Variants in KANSL2 observed in about 807,000 individuals in gnomAD.
The protein encoded by KANSL2 is NSL complex protein NSL2.
Under a neutral mutation model 55.6 loss-of-function variants are expected in KANSL2, and 34 were observed. The ratio of observed to expected loss-of-function variants is 0.61; its 90% CI spans 0.46 to 0.81. KANSL2 has a LOEUF of 0.81. Ranked by LOEUF, KANSL2 falls within the 40% of genes least tolerant of loss-of-function variation. KANSL2 has a pLI of 0.00. For synonymous variants in KANSL2, 209 were observed against 214.3 expected (o/e 0.98, Z 0.22); for missense variants, 502 against 609.9 (o/e 0.82, Z 1.86).
At chr12:48,660,135 T>A (rs1171133165) in intron 8 of KANSL2, among the ~76,000 whole-genome samples, 1 of 152,176 alleles carries the variant, frequency 6.6e-6, no homozygotes, top group African/African-American at 2.4e-5. Context: ...GAGTGCAATT[T>A]ATAGTATGTA....
In KANSL2 at chr12:48,679,660, A is replaced by G. The variant is rs573855606; in HGVS notation, c.425T>C (p.Ile142Thr). The change falls in exon 3 of 10, where the codon ATA (isoleucine) becomes ACA (threonine). Residue 142 changes from isoleucine to threonine, a missense_variant. Ile to Thr is a moderately conservative substitution (Grantham distance 89). Transcript: ENST00000420613. Reference sequence around the variant, plus strand: ...CCAGGAGAGAAGGTCCTTACCTAGTATTCGGCTGGCTTCACTGCGACTACT... The same window carrying G: ...CCAGGAGAGAAGGTCCTTACCTAGTGTTCGGCTGGCTTCACTGCGACTACT... ...PESSRSEASRILDEDSWSDGE... is the reference protein window; with the variant it reads ...PESSRSEASRTLDEDSWSDGE... 2 of 1,613,450 alleles carry G rather than the reference A, an allele frequency of 1.2e-6. No individual in the cohort carries two copies. Among genetic ancestry groups the G allele is most frequent in the Admixed American group, 3.3e-5 (2 of 59,892 alleles).
At position 48,681,404 on chromosome 12, in the gene KANSL2, G is replaced by C. The variant is rs754237983; in HGVS notation, c.229C>G (p.Pro77Ala). 7.4e-6 allele frequency: 12 copies of C among 1,613,386 alleles called. No individual in the cohort carries two copies. Among genetic ancestry groups the C allele is most frequent in the East Asian group, 2.2e-5 (1 of 44,882 alleles). Residue 77 changes from proline (P) to alanine (A), a missense_variant, in exon 2 of 10, where the codon CCA becomes GCA. Physicochemically the swap from Pro to Ala is conservative, Grantham distance 27 (BLOSUM62 -1). Transcript: ENST00000420613. ...TACCCATCTTTCTTCTCTGGCTTTG[G>C]GGCAGCATTGGGACATCTTTTTCCA... ...KNGKRCPNAA[P>A]KPEKKDGVSF...
chr12:48,663,391 AATTTT>A (rs1939524249), intron 7 of KANSL2, among the ~76,000 whole-genome samples: 2 of 152,186 alleles, frequency 1.3e-5, no homozygotes. Context: ...GTATATTTTA[AATTTT>A]ATTTTAAAAC....
chr12:48,671,054 A>T (rs182873309), intron 5 of KANSL2, among the ~76,000 whole-genome samples: 8 of 152,318 alleles, frequency 5.3e-5, no homozygotes, highest in African/African-American at 1.4e-4. Context: ...ACTTGAAGTC[A>T]GGAGTTCCGA....
At chr12:48,662,264 C>T (rs1939501501) in intron 7 of KANSL2, among the ~76,000 whole-genome samples, 2 of 152,184 alleles carry the variant, frequency 1.3e-5, no homozygotes, top group Admixed American at 1.3e-4. Flanking sequence ...GCCATCACAC[C>T]CGGCTGATTT....
At chr12:48,668,097 C>T (rs1939636790) in intron 6 of KANSL2, among the ~76,000 whole-genome samples, 1 of 152,102 alleles carries the variant, frequency 6.6e-6, no homozygotes, top group Non-Finnish European at 1.5e-5. Context: ...ACAAATGAAA[C>T]AAAATTACTC....
At chr12:48,657,185 A>G (rs932027846) in intron 8 of KANSL2, among the ~76,000 whole-genome samples, 15 of 152,198 alleles carry the variant, frequency 9.9e-5, no homozygotes, top group African/African-American at 3.4e-4. Flanking sequence ...GATTGAGACC[A>G]TCCTGGCTAA....
chr12:48,669,036 T>G, intron 6 of KANSL2, 70 bp downstream of exon 6: 1 of 1,247,196 alleles, frequency 8.0e-7, no homozygotes, highest in Non-Finnish European at 1.1e-6. Flanking sequence ...AGTGCGAGAC[T>G]CCGTCTCGAA....
intron 7 of KANSL2, among the ~76,000 whole-genome samples, chr12:48,666,973 G>A (rs141021681): frequency 6.6e-6 from 1 of 151,950 alleles, no homozygotes; most frequent in Admixed American, 6.6e-5. Context: ...CTGAGGTCAG[G>A]AGCTCGAGAC....
intron 2 of KANSL2, among the ~76,000 whole-genome samples, chr12:48,680,982 C>CCAA (rs1565610832): frequency 1.3e-5 from 2 of 149,378 alleles, no homozygotes; most frequent in African/African-American, 5.0e-5. Flanking sequence ...GCCCCCCCGC[C>CCAA]AAAAAATTAA....
intron 4 of KANSL2, among the ~76,000 whole-genome samples, chr12:48,672,844 C>T (rs1488342239): frequency 1.3e-5 from 2 of 152,042 alleles, no homozygotes; most frequent in Non-Finnish European, 2.9e-5. Context: ...CTGCAACCTC[C>T]GCTTCCCAGG....
intron 9 of KANSL2, chr12:48,654,376 G>A (rs1439803414): frequency 1.8e-5 from 14 of 783,008 alleles, no homozygotes; most frequent in Non-Finnish European, 2.6e-5. Context: ...GGGATGGTGA[G>A]CTGTAGGTTG....
At chr12:48,661,477 A>G (rs1206506916) in intron 7 of KANSL2, among the ~76,000 whole-genome samples, 1 of 152,190 alleles carries the variant, frequency 6.6e-6, no homozygotes, top group Non-Finnish European at 1.5e-5. Flanking sequence ...ATTTCTTGAA[A>G]TCTGTTAACT....
intron 3 of KANSL2, 70 bp from the exon 4 acceptor site, chr12:48,679,220 T>C: frequency 9.9e-7 from 1 of 1,014,274 alleles, no homozygotes. Context: ...AAAACTAGAT[T>C]ACTTTTATCA....
Position 48,655,057 on chromosome 12 carries a change from A to G in KANSL2, c.1231T>C (p.Leu411=). The change falls in exon 9 of 10, where the codon TTG becomes CTG. Residue 411 remains leucine, a synonymous_variant. Coordinates refer to ENST00000420613, the MANE Select transcript of KANSL2 (RefSeq NM_017822.4). ...ESLPLEFSDD[L]DVVGDGMQCP... Reference sequence around the variant, plus strand: ...TGCATACCATCACCCACAACATCCAAGTCCTAGAAAAAAGAGAAAAGCCCA... The same window carrying G: ...TGCATACCATCACCCACAACATCCAGGTCCTAGAAAAAAGAGAAAAGCCCA... 1 of 1,571,458 alleles carries G rather than the reference A, an allele frequency of 6.4e-7. No homozygotes were observed.
intron 4 of KANSL2, among the ~76,000 whole-genome samples, chr12:48,676,653 C>A (rs949761652): frequency 1.3e-5 from 2 of 151,330 alleles, no homozygotes; most frequent in African/African-American, 2.4e-5. Flanking sequence ...AGTGAAACTT[C>A]GTGTCAAAAA....
At chr12:48,665,357 G>A (rs990707194) in intron 7 of KANSL2, among the ~76,000 whole-genome samples, 3 of 152,064 alleles carry the variant, frequency 2.0e-5, no homozygotes, top group Non-Finnish European at 2.9e-5. Flanking sequence ...AAGGTCAGGA[G>A]ATCGAGACCA....
In KANSL2 at chr12:48,681,404, G is replaced by A. The variant is rs754237983; in HGVS notation, c.229C>T (p.Pro77Ser). ...KNGKRCPNAAPKPEKKDGVSF... is the reference protein window; with the variant it reads ...KNGKRCPNAASKPEKKDGVSF... ...TACCCATCTTTCTTCTCTGGCTTTG[G>A]GGCAGCATTGGGACATCTTTTTCCA... Residue 77 changes from proline to serine, a missense_variant, in exon 2 of 10, where the codon CCA becomes TCA. Coordinates refer to ENST00000420613, the MANE Select transcript of KANSL2 (RefSeq NM_017822.4). 1.9e-6 allele frequency: 3 copies of A among 1,613,504 alleles called. No homozygotes were observed. In the African/African-American group the frequency reaches 4.0e-5, roughly 22 times the overall value.
intron 4 of KANSL2, among the ~76,000 whole-genome samples, chr12:48,677,772 A>G: frequency 7.2e-6 from 1 of 139,398 alleles, no homozygotes; most frequent in African/African-American, 2.7e-5. Context: ...GTGACAGTGC[A>G]AGACTCCATC....
Sources: allele counts gnomAD v4.1 joint callset (sites outside exome capture counted in the v4.1 genomes callset), GRCh38; gene constraint gnomAD v4.1.1; transcripts MANE v1.5; gene names NCBI Gene and HGNC (gene_info 2026-07-23, HGNC 2026-07-21).